Variants in ME3 observed in about 807,000 individuals in gnomAD.
ME3 encodes the protein NADP-dependent malic enzyme, mitochondrial.
ME3 carries 48 observed loss-of-function variants against 68.9 expected under a neutral mutation model. The ratio of observed to expected loss-of-function variants is 0.70; its 90% confidence interval spans 0.55 to 0.89. The LOEUF (loss-of-function observed/expected upper bound fraction) is 0.89. Ranked by LOEUF, ME3 falls within the 40% of genes least tolerant of loss-of-function variation. The probability of loss-of-function intolerance (pLI) is 0.00; values close to 1 mark genes in which losing one functional copy is unlikely to be tolerated. For missense variants in ME3, 675 were observed against 797.4 expected (o/e 0.85, Z 1.85); for synonymous variants, 320 against 318.8 (o/e 1.00, Z -0.04).
chr11:86,605,648 A>G (rs1167099492), intron 2 of ME3, among the ~76,000 whole-genome samples: 3 of 152,214 alleles, frequency 2.0e-5, no homozygotes, highest in Non-Finnish European at 2.9e-5. Context: ...GATCCTTAAA[A>G]TAGTCATTAA....
intron 2 of ME3, among the ~76,000 whole-genome samples, chr11:86,581,165 G>C (rs1156855076): frequency 6.6e-6 from 1 of 152,142 alleles, no homozygotes; most frequent in Admixed American, 6.5e-5. Flanking sequence ...GAAAATAGCA[G>C]GTTGCCTCAC....
intron 4 of ME3, among the ~76,000 whole-genome samples, chr11:86,533,197 A>G (rs1955388617): frequency 1.3e-5 from 2 of 152,158 alleles, no homozygotes; most frequent in Non-Finnish European, 2.9e-5. Flanking sequence ...AATAATAGAA[A>G]AGATCAACAA....
chr11:86,547,673 T>A (rs1441348393), intron 4 of ME3, among the ~76,000 whole-genome samples: 1 of 151,664 alleles, frequency 6.6e-6, no homozygotes, highest in Non-Finnish European at 1.5e-5. Flanking sequence ...ACAAAAAAAA[T>A]AAGAAGCCAC....
intron 8 of ME3, among the ~76,000 whole-genome samples, chr11:86,456,908 C>T (rs575824796): frequency 1.3e-5 from 2 of 152,266 alleles, no homozygotes; most frequent in African/African-American, 4.8e-5. Context: ...CTACTGTGCT[C>T]CTATTTTTTG....
intron 4 of ME3, among the ~76,000 whole-genome samples, chr11:86,532,709 G>C (rs1001636729): frequency 2.6e-5 from 4 of 152,158 alleles, no homozygotes; most frequent in African/African-American, 9.7e-5. Context: ...TAACATATGA[G>C]ATGCAACAAA....
chr11:86,579,193 A>G (rs1345626000), intron 2 of ME3, among the ~76,000 whole-genome samples: 1 of 152,050 alleles, frequency 6.6e-6, no homozygotes, highest in African/African-American at 2.4e-5. Context: ...TATTCTTTAT[A>G]CCCTTTCATA....
intron 8 of ME3, among the ~76,000 whole-genome samples, chr11:86,450,762 A>T (rs575620982): frequency 6.6e-6 from 1 of 152,314 alleles, no homozygotes; most frequent in East Asian, 1.9e-4. Context: ...AAAAACATTT[A>T]AAAAAATGAG....
rs1055889770 is a variant in ME3 at position 86,549,334 on chromosome 11, T to A, written c.467+7219A>T. Among the ~76,000 whole-genome samples, 17 of 152,382 alleles carry A rather than the reference T, an allele frequency of 1.1e-4. 1 individual carries two copies. Among genetic ancestry groups the A allele is most frequent in the Admixed American group, 5.9e-4 (9 of 15,310 alleles). The stretch of plus-strand genomic sequence containing the variant: ...TGTTTTTCCCTGTTTCTCTTCCATC[T>A]GCCCTTATCTCCTCTTTCCATAATA... On this transcript the variant is annotated intron_variant, in intron 4 of 14. Coordinates refer to ENST00000543262, the Ensembl canonical transcript of ME3.
At chr11:86,568,542 C>A (rs1487688269) in intron 2 of ME3, among the ~76,000 whole-genome samples, 1 of 152,192 alleles carries the variant, frequency 6.6e-6, no homozygotes, top group Non-Finnish European at 1.5e-5. Context: ...ATGGGCTCAG[C>A]CATGCCCAAG....
intron 4 of ME3, among the ~76,000 whole-genome samples, chr11:86,520,086 C>A (rs371253447): frequency 1.3e-5 from 2 of 152,170 alleles, no homozygotes; most frequent in African/African-American, 2.4e-5. Context: ...CTATCCTGTT[C>A]GCCTCTGAGG....
intron 8 of ME3, among the ~76,000 whole-genome samples, chr11:86,459,825 G>T (rs537409875): frequency 6.6e-6 from 1 of 152,230 alleles, no homozygotes; most frequent in Admixed American, 6.5e-5. Context: ...AGCCTTTATG[G>T]GCGTCTGGCC....
At chr11:86,624,778 T>C (rs772482567) in intron 2 of ME3, among the ~76,000 whole-genome samples, 2 of 152,222 alleles carry the variant, frequency 1.3e-5, no homozygotes, top group African/African-American at 4.8e-5. Context: ...TGGCATCAGA[T>C]AGCGGGAGAG....
chr11:86,543,579 G>C (rs1956178287), intron 4 of ME3, among the ~76,000 whole-genome samples: 1 of 152,132 alleles, frequency 6.6e-6, no homozygotes, highest in Non-Finnish European at 1.5e-5. Context: ...AATGGTAAAG[G>C]GAATTGAGGC....
intron 2 of ME3, among the ~76,000 whole-genome samples, chr11:86,648,983 G>C (rs948657443): frequency 2.0e-5 from 3 of 151,516 alleles, no homozygotes; most frequent in Non-Finnish European, 2.9e-5. Flanking sequence ...GAATCATCCT[G>C]ATACCAAAAT....
chr11:86,607,057 T>A (rs562207599), intron 2 of ME3, among the ~76,000 whole-genome samples: 40 of 152,332 alleles, frequency 2.6e-4, no homozygotes, highest in African/African-American at 9.6e-4. Context: ...GTTATTGTTG[T>A]TGTTGTCACT....
intron 2 of ME3, among the ~76,000 whole-genome samples, chr11:86,658,881 A>C (rs1000251510): frequency 8.5e-5 from 13 of 152,078 alleles, no homozygotes; most frequent in African/African-American, 3.1e-4. Flanking sequence ...AATGGCTATT[A>C]ATAGGTTTTT....
intron 8 of ME3, chr11:86,457,544 T>C (rs1950006566): frequency 8.7e-7 from 1 of 1,154,738 alleles, no homozygotes; most frequent in African/African-American, 1.6e-5. Context: ...GTTCTTAAGC[T>C]CCAAATTACA....
At chr11:86,582,347 G>C (rs1958487331) in intron 2 of ME3, among the ~76,000 whole-genome samples, 1 of 152,236 alleles carries the variant, frequency 6.6e-6, no homozygotes, top group Admixed American at 6.5e-5. Context: ...GTGTGCATCA[G>C]AAGCACCTTA....
intron 2 of ME3, among the ~76,000 whole-genome samples, chr11:86,602,031 T>C (rs1960777489): frequency 6.7e-6 from 1 of 149,706 alleles, no homozygotes; most frequent in Non-Finnish European, 1.5e-5. Flanking sequence ...GCATTCCCTT[T>C]GAAAACTGGC....
Sources: allele counts gnomAD v4.1 joint callset (sites outside exome capture counted in the v4.1 genomes callset), GRCh38; gene constraint gnomAD v4.1.1; transcripts MANE v1.5; gene names NCBI Gene and HGNC (gene_info 2026-07-23, HGNC 2026-07-21).